KIF6: variants seen among roughly 807,000 people sequenced by gnomAD.
The protein encoded by KIF6 is kinesin-like protein KIF6.
KIF6 carries 106 observed loss-of-function variants against 112.7 expected under a neutral mutation model. That is an observed-to-expected ratio of 0.94 (90% CI 0.80 to 1.11). KIF6 has a LOEUF of 1.11. KIF6 is among the 50% of genes least tolerant of loss of function. KIF6 has a pLI of 0.00. For missense variants in KIF6, 929 were observed against 964.0 expected (o/e 0.96, Z 0.48); for synonymous variants, 339 against 339.9 (o/e 1.00, Z 0.03).
rs188627430 is a variant in KIF6, at chr6:39,342,620, T to A, written c.2428+1089A>T. 2.0e-3 allele frequency among the ~76,000 whole-genome samples: 242 copies of A among 122,242 alleles called. 5 individuals are homozygous for A. Among genetic ancestry groups the A allele is most frequent in the Middle Eastern group, 7.5e-3 (2 of 268 alleles). The allele number at this position is 122,242 out of a possible 152,430, so 80.2% of individuals were successfully genotyped here. ...TTTTTTATTTTTTTTTATTTTTTTT[T>A]ATTTTTTTTTATTTTTAGACAAGGA... On this transcript the variant is annotated intron_variant, in intron 22 of 22. Transcript: ENST00000287152. The surrounding 1 kb of genome is among the most constrained non-coding windows in gnomAD (Gnocchi z 4.7).
At chr6:39,565,214 G>T (rs200088591) in intron 10 of KIF6, among the ~76,000 whole-genome samples, 3 of 151,828 alleles carry the variant, frequency 2.0e-5, no homozygotes, top group African/African-American at 4.8e-5. Flanking sequence ...GGATAATTTT[G>T]CAGTAAGTTC....
At chr6:39,629,230 A>G (rs144369389) in intron 5 of KIF6, among the ~76,000 whole-genome samples, 254 of 152,154 alleles carry the variant, frequency 1.7e-3, no homozygotes, top group African/African-American at 5.8e-3. Context: ...AGTATGTTTA[A>G]TTTTCTAAGA....
At chr6:39,608,343 C>T (rs1013544077) in intron 6 of KIF6, among the ~76,000 whole-genome samples, 3 of 152,308 alleles carry the variant, frequency 2.0e-5, no homozygotes, top group Non-Finnish European at 4.4e-5. Context: ...CCTAGCCTAC[C>T]TTCAACGTGC....
intron 3 of KIF6, chr6:39,691,060 G>A (rs946569258): frequency 2.6e-5 from 4 of 152,246 alleles, no homozygotes; most frequent in Middle Eastern, 3.4e-3. Context: ...TACTAAAAAC[G>A]TGTTCACCAT....
At chr6:39,512,342 G>C (rs754234536) in intron 13 of KIF6, among the ~76,000 whole-genome samples, 6 of 152,146 alleles carry the variant, frequency 3.9e-5, no homozygotes, top group Non-Finnish European at 8.8e-5. Context: ...TGGAGATGCT[G>C]GTGGCCCCTA....
chr6:39,474,799 C>T (rs9296299), intron 13 of KIF6, among the ~76,000 whole-genome samples: 9,216 of 152,330 alleles, frequency 0.061, 496 homozygotes, highest in East Asian at 0.25. Flanking sequence ...TGGCAAGCCT[C>T]ATACGATGGT....
At position 39,359,591 on chromosome 6, in the gene KIF6, T is replaced by C. The variant is rs1022954719; in HGVS notation, c.2082+804A>G. On this transcript the variant is annotated intron_variant, in intron 18 of 22. Coordinates refer to ENST00000287152, the MANE Select transcript of KIF6 (RefSeq NM_145027.6). ...ACAGCTATGTGATTTATTATTATTA[T>C]TATTATTATTTTGAGACAGGGCCTT... Among the ~76,000 whole-genome samples, 272 of 152,168 alleles carry C rather than the reference T, an allele frequency of 1.8e-3. 1 individual carries two copies. The highest frequency in any genetic ancestry group is 5.9e-3 in the African/African-American group (246 of 41,516).
intron 3 of KIF6, among the ~76,000 whole-genome samples, chr6:39,704,404 A>T (rs1274006513): frequency 6.6e-6 from 1 of 152,210 alleles, no homozygotes; most frequent in African/African-American, 2.4e-5. Context: ...GGATCACCTG[A>T]GGTCAGGAGT....
chr6:39,671,644 A>G lies in KIF6; in HGVS notation c.252-31887T>C, dbSNP rs559938984. On this transcript the variant is annotated intron_variant, in intron 3 of 22. Coordinates refer to ENST00000287152, the MANE Select transcript of KIF6 (RefSeq NM_145027.6). ...CAGACATCTCAAGCTGACTTCCCTC[A>G]ATGACAAAACTCTGTATCTGATGTC... 2.0e-4 allele frequency among the ~76,000 whole-genome samples: 30 copies of G among 152,314 alleles called. No individual in the cohort carries two copies. In the East Asian group the frequency reaches 5.4e-3, roughly 27 times the overall value.
chr6:39,455,600 G>C (rs1773026743), intron 13 of KIF6, among the ~76,000 whole-genome samples: 1 of 149,694 alleles, frequency 6.7e-6, no homozygotes, highest in Non-Finnish European at 1.5e-5. Context: ...CAAACCAAAG[G>C]CAAAGAAGTT....
rs115334891 is a variant in KIF6 at position 39,613,065 on chromosome 6, C to T, written c.639+124G>A. ...TCTTTATCTGCATGTGAGGTTTGGACGAGATTATTTTTAAGGTCATTGTTG... is the reference window on the plus strand; with the variant it reads ...TCTTTATCTGCATGTGAGGTTTGGATGAGATTATTTTTAAGGTCATTGTTG... On this transcript the variant is annotated intron_variant, in intron 6 of 22. Coordinates refer to ENST00000287152, the MANE Select transcript of KIF6 (RefSeq NM_145027.6). 2.5e-3 allele frequency: 1,764 copies of T among 696,300 alleles called. 3 individuals are homozygous for T. Among genetic ancestry groups the T allele is most frequent in the Admixed American group, 3.3e-3 (79 of 24,208 alleles). 43.1% of individuals were successfully genotyped at this position (696,300 alleles called of 1,614,324 possible). A position where few individuals can be genotyped will look rare whatever the true frequency, so the allele number is the denominator to read the frequency against.
rs187489737 is a variant in KIF6, at chr6:39,541,901, G to A, written c.1427-1680C>T. ...GTGGCTCCCAATGCTACAGTCCTGT[G>A]ATCCCACTTCCTACAATGCACAGGA... On this transcript the variant is annotated intron_variant, in intron 12 of 22. Coordinates refer to ENST00000287152, the MANE Select transcript of KIF6 (RefSeq NM_145027.6). Among the ~76,000 whole-genome samples the A allele has an allele frequency of 6.0e-3, 920 of 152,310 alleles. 37 individuals are homozygous for A. Among genetic ancestry groups the A allele is most frequent in the East Asian group, 2.3e-3 (12 of 5,186 alleles).
chr6:39,442,914 C>G (rs1025060452), intron 13 of KIF6, among the ~76,000 whole-genome samples: 3 of 151,812 alleles, frequency 2.0e-5, no homozygotes, highest in African/African-American at 7.3e-5. Flanking sequence ...GAGATTGAGA[C>G]CATCCTGGCT....
At chr6:39,669,693 A>C (rs562217441) in intron 3 of KIF6, among the ~76,000 whole-genome samples, 5 of 152,248 alleles carry the variant, frequency 3.3e-5, no homozygotes, top group Non-Finnish European at 7.3e-5. Flanking sequence ...TGTTCCCCGG[A>C]ATAGAATAGA....
At chr6:39,631,936 T>C (rs1784371734) in intron 5 of KIF6, among the ~76,000 whole-genome samples, 2 of 152,276 alleles carry the variant, frequency 1.3e-5, no homozygotes, top group African/African-American at 2.4e-5. Flanking sequence ...GAATTCAACT[T>C]CTATAATAGT....
chr6:39,699,328 T>C (rs941574942), intron 3 of KIF6, among the ~76,000 whole-genome samples: 1 of 152,084 alleles, frequency 6.6e-6, no homozygotes, highest in African/African-American at 2.4e-5. Context: ...TAAGAAGGTA[T>C]CATTTGAACA....
At position 39,432,922 on chromosome 6, in the gene KIF6, TC is replaced by T. The variant is rs983964229; in HGVS notation, c.1646-1762del. Among the ~76,000 whole-genome samples, 2 of 147,416 alleles carry T rather than the reference TC, an allele frequency of 1.4e-5. 1 individual carries two copies. Among genetic ancestry groups the T allele is most frequent in the Admixed American group, 1.4e-4 (2 of 14,756 alleles). On this transcript the variant is annotated intron_variant, in intron 13 of 22. Coordinates refer to ENST00000287152, the MANE Select transcript of KIF6 (RefSeq NM_145027.6). Reference sequence around the variant, plus strand: ...CCTGCTTGGGGGATCTCCAAATTGCTCCCCCCCGCAGGGGAGCTGATGAGCA... The same window carrying T: ...CCTGCTTGGGGGATCTCCAAATTGCTCCCCCCGCAGGGGAGCTGATGAGCA...
intron 15 of KIF6, among the ~76,000 whole-genome samples, chr6:39,411,955 C>T (rs1769508519): frequency 6.6e-6 from 1 of 152,172 alleles, no homozygotes; most frequent in African/African-American, 2.4e-5. Flanking sequence ...CCCTGATTTG[C>T]AGTCCATTTG....
chr6:39,589,069 T>C lies in KIF6; in HGVS notation c.847-2665A>G, dbSNP rs148073113. On this transcript the variant is annotated intron_variant, in intron 7 of 22. Transcript: ENST00000287152. Reference sequence around the variant, plus strand: ...GTTCGACTTATCTGACATCATGTCCTGTCATGTTCCCTGGGCCTGTACTGG... The same window carrying C: ...GTTCGACTTATCTGACATCATGTCCCGTCATGTTCCCTGGGCCTGTACTGG... Among the ~76,000 whole-genome samples, 387 of 152,344 alleles carry C rather than the reference T, an allele frequency of 2.5e-3. 6 individuals are homozygous for C. The highest frequency in any genetic ancestry group is 0.024 in the Middle Eastern group (7 of 294).
Sources: gnomAD v4.1 joint callset for allele counts (sites outside exome capture counted in the v4.1 genomes callset) on GRCh38, gnomAD v4.1.1 for gene constraint, Gnocchi (gnomAD v3.1) non-coding constraint, MANE v1.5 for transcripts, NCBI Gene and HGNC (gene_info 2026-07-23, HGNC 2026-07-21) for gene names.